Variants in SUGCT observed in about 807,000 individuals in gnomAD.
SUGCT encodes succinyl-CoA:glutarate CoA-transferase.
A neutral mutation model predicts 55.0 loss-of-function variants in SUGCT; 41 were observed. That is an observed-to-expected ratio of 0.74 (90% CI 0.58 to 0.97). The LOEUF (loss-of-function observed/expected upper bound fraction) is 0.97, where lower values mean the gene tolerates loss of function less well. Ranked by LOEUF, SUGCT falls within the 50% of genes least tolerant of loss-of-function variation. SUGCT has a pLI of 0.00. For synonymous variants in SUGCT, 187 were observed against 200.4 expected, an observed-to-expected ratio of 0.93 and a Z score of 0.56; for missense variants, 568 against 547.8, an observed-to-expected ratio of 1.04 and a Z score of -0.37.
chr7:40,305,103 ACATTGTTTCCTAACT>A (rs1794780424), intron 8 of SUGCT, among the ~76,000 whole-genome samples: 1 of 152,106 alleles, frequency 6.6e-6, no homozygotes, highest in South Asian at 2.1e-4. Context: ...TCAGTCCCTG[ACATTGTTTCCTAACT>A]CAGCCTCTAT....
At chr7:40,190,583 T>A (rs942643740) in intron 5 of SUGCT, among the ~76,000 whole-genome samples, 3 of 152,124 alleles carry the variant, frequency 2.0e-5, no homozygotes, top group Admixed American at 2.0e-4. Context: ...GTTGTTAGAA[T>A]TGAGTTAGTC....
At chr7:40,937,057 A>G in the SUGCT span, among the ~76,000 whole-genome samples, 2 of 152,260 alleles carry the variant, frequency 1.3e-5, no homozygotes, top group East Asian at 1.9e-4. Flanking sequence ...CACAAGAATA[A>G]TATGTATTCT....
intron 11 of SUGCT, among the ~76,000 whole-genome samples, chr7:40,481,905 A>C (rs532628800): frequency 6.6e-6 from 1 of 152,296 alleles, no homozygotes; most frequent in East Asian, 1.9e-4. Flanking sequence ...GCAGTTCCAC[A>C]GATAATACAG....
intron 12 of SUGCT, among the ~76,000 whole-genome samples, chr7:40,659,553 A>C (rs1801200498): frequency 6.6e-6 from 1 of 152,230 alleles, no homozygotes; most frequent in East Asian, 1.9e-4. Context: ...CTGTTCTAGT[A>C]GTCACATAGA....
At chr7:40,197,240 A>T (rs1380497815) in intron 6 of SUGCT, among the ~76,000 whole-genome samples, 1 of 152,160 alleles carries the variant, frequency 6.6e-6, no homozygotes, top group African/African-American at 2.4e-5. Context: ...ATCCATAATC[A>T]TATTTTCATT....
At chr7:41,035,886 A>C in the SUGCT span, among the ~76,000 whole-genome samples, 1 of 151,960 alleles carries the variant, frequency 6.6e-6, no homozygotes, top group African/African-American at 2.4e-5. Context: ...TCTGCCTCAC[A>C]TGATGCAGCT....
At chr7:40,158,259 A>G (rs965168472) in intron 1 of SUGCT, among the ~76,000 whole-genome samples, 4 of 152,142 alleles carry the variant, frequency 2.6e-5, no homozygotes, top group Non-Finnish European at 2.9e-5. Context: ...CAAGCACAAG[A>G]GAAATGTTTT....
intron 13 of SUGCT, among the ~76,000 whole-genome samples, chr7:40,854,946 C>A (rs1352756021): frequency 6.6e-6 from 1 of 150,794 alleles, no homozygotes; most frequent in African/African-American, 2.4e-5. Context: ...TTAAAAAAAA[C>A]AAAAAGTTGA....
At chr7:40,358,565 T>C (rs932351562) in intron 9 of SUGCT, among the ~76,000 whole-genome samples, 1 of 151,926 alleles carries the variant, frequency 6.6e-6, no homozygotes, top group Non-Finnish European at 1.5e-5. Context: ...ATACAAAAAA[T>C]TAGCCAGGTG....
intron 1 of SUGCT, among the ~76,000 whole-genome samples, chr7:40,168,996 T>C (rs1247668007): frequency 6.6e-6 from 1 of 152,166 alleles, no homozygotes; most frequent in Non-Finnish European, 1.5e-5. Flanking sequence ...TCTTTAGGTT[T>C]CTGTACAGCC....
At chr7:40,210,798 G>C (rs147219795) in intron 6 of SUGCT, among the ~76,000 whole-genome samples, 3 of 152,116 alleles carry the variant, frequency 2.0e-5, no homozygotes, top group African/African-American at 7.2e-5. Flanking sequence ...TTTGGCGGGA[G>C]TCAGGGCAAA....
At chr7:40,941,254 C>G in the SUGCT span, among the ~76,000 whole-genome samples, 1 of 151,970 alleles carries the variant, frequency 6.6e-6, no homozygotes, top group Non-Finnish European at 1.5e-5. Flanking sequence ...TTTGCTGTAT[C>G]CCAGAGGTTT....
the SUGCT span, among the ~76,000 whole-genome samples, chr7:40,956,912 A>G: frequency 3.9e-5 from 6 of 152,126 alleles, no homozygotes; most frequent in African/African-American, 2.4e-5. Context: ...TTCAGTTTCC[A>G]TGTAGTTGTG....
At chr7:40,314,859 C>T (rs929954383) in intron 8 of SUGCT, among the ~76,000 whole-genome samples, 6 of 152,118 alleles carry the variant, frequency 3.9e-5, no homozygotes, top group Non-Finnish European at 5.9e-5. Flanking sequence ...CCACTGCTCC[C>T]GGCCCCTCTT....
chr7:41,012,702 C>T, the SUGCT span, among the ~76,000 whole-genome samples: 1 of 151,784 alleles, frequency 6.6e-6, no homozygotes, highest in South Asian at 2.1e-4. Flanking sequence ...GATTCATGGA[C>T]ATTTAGGTGA....
intron 13 of SUGCT, among the ~76,000 whole-genome samples, chr7:40,782,877 C>T (rs1256907798): frequency 1.3e-5 from 2 of 152,128 alleles, no homozygotes; most frequent in African/African-American, 4.8e-5. Context: ...AGATTCTAGT[C>T]TTTTCACTAT....
chr7:40,473,637 C>G lies in SUGCT; in HGVS notation c.986+14439C>G, dbSNP rs115281633. Among the ~76,000 whole-genome samples, 244 of 150,260 alleles carry G rather than the reference C, an allele frequency of 1.6e-3. 2 individuals carry two copies. The highest frequency in any genetic ancestry group is 5.9e-3 in the African/African-American group (242 of 40,968). Reference sequence around the variant, plus strand: ...TGATCCACAAATGCACTAGGAGGAGCAGAAAAAAAAAATGGTGGCATGATT... The same window carrying G: ...TGATCCACAAATGCACTAGGAGGAGGAGAAAAAAAAAATGGTGGCATGATT... On this transcript the variant is annotated intron_variant, in intron 11 of 13. Coordinates refer to ENST00000335693, the MANE Select transcript of SUGCT (RefSeq NM_001193313.2).
At chr7:40,137,154 G>T (rs928559855) in intron 1 of SUGCT, among the ~76,000 whole-genome samples, 2 of 152,078 alleles carry the variant, frequency 1.3e-5, no homozygotes, top group African/African-American at 4.8e-5. Flanking sequence ...ACATGGGGTG[G>T]TCTCACTCTG....
At chr7:40,225,954 C>T (rs1788320279) in intron 6 of SUGCT, among the ~76,000 whole-genome samples, 1 of 152,076 alleles carries the variant, frequency 6.6e-6, no homozygotes, top group Non-Finnish European at 1.5e-5. Context: ...TGAGATGACA[C>T]ATATGAAGCA....
Sources: gnomAD v4.1 joint callset for allele counts (sites outside exome capture counted in the v4.1 genomes callset) on GRCh38, gnomAD v4.1.1 for gene constraint, MANE v1.5 for transcripts, NCBI Gene and HGNC (gene_info 2026-07-23, HGNC 2026-07-21) for gene names.